RFX3: variants seen among roughly 807,000 people sequenced by gnomAD.
The protein encoded by RFX3 is regulatory factor X3, also known as transcription factor RFX3.
RFX3 carries 14 observed loss-of-function variants against 98.6 expected under a neutral mutation model. The observed-to-expected ratio is 0.14, with a 90% confidence interval of 0.09 to 0.22. The LOEUF (loss-of-function observed/expected upper bound fraction) is 0.22, where lower values mean the gene tolerates loss of function less well. RFX3 is among the 10% of genes least tolerant of loss of function. The pLI is 1.00. For synonymous variants in RFX3, 383 were observed against 328.4 expected, an observed-to-expected ratio of 1.17 and a Z score of -1.80; for missense variants, 639 against 926.9, an observed-to-expected ratio of 0.69 and a Z score of 4.03.
rs193272083 is a variant in RFX3, at chr9:3,445,673, G to T, written c.-8-50077C>A. On this transcript the variant is annotated intron_variant, in intron 1 of 16. Coordinates refer to ENST00000617270, the MANE Select transcript of RFX3 (RefSeq NM_001282116.2). ...CTCATGTTATGCATCCAGTTTTGAT[G>T]GCTTTCGTGCCTTATAATTCCTTAG... Among the ~76,000 whole-genome samples the T allele has an allele frequency of 3.3e-5, 5 of 152,108 alleles. No homozygotes were observed. In the East Asian group the frequency reaches 9.6e-4, roughly 29 times the overall value.
intron 3 of RFX3, among the ~76,000 whole-genome samples, chr9:3,341,062 T>C (rs940930618): frequency 1.3e-5 from 2 of 152,104 alleles, no homozygotes; most frequent in Non-Finnish European, 2.9e-5. Context: ...CACCATAGAA[T>C]ACTATGCAGC....
chr9:3,269,956 G>C (rs937215060), intron 11 of RFX3, among the ~76,000 whole-genome samples: 2 of 151,910 alleles, frequency 1.3e-5, no homozygotes, highest in Non-Finnish European at 2.9e-5. Context: ...CTGTGTCCTT[G>C]GGTAGAATAA....
chr9:3,524,717 T>C, intron 1 of RFX3: 1 of 682,322 alleles, frequency 1.5e-6, no homozygotes, highest in Non-Finnish European at 1.8e-6. Context: ...ATCATCAAAG[T>C]GAAACGGAAC....
rs185774887 is a variant in RFX3, at chr9:3,324,385, G to C, written c.474+5874C>G. Among the ~76,000 whole-genome samples the C allele has an allele frequency of 1.4e-3, 217 of 151,826 alleles. 1 individual carries two copies. Among genetic ancestry groups the C allele is most frequent in the African/African-American group, 4.9e-3 (202 of 41,376 alleles). Reference sequence around the variant, plus strand: ...TGTAACTATATTGCTTTTCTGTCTCGATGTAGTCATAACCAATAATCCAAT... The same window carrying C: ...TGTAACTATATTGCTTTTCTGTCTCCATGTAGTCATAACCAATAATCCAAT... On this transcript the variant is annotated intron_variant, in intron 4 of 16. Coordinates refer to ENST00000617270, the MANE Select transcript of RFX3 (RefSeq NM_001282116.2).
At chr9:3,399,204 G>A (rs1299463802) in intron 1 of RFX3, among the ~76,000 whole-genome samples, 3 of 151,054 alleles carry the variant, frequency 2.0e-5, no homozygotes, top group Non-Finnish European at 4.4e-5. Context: ...GGAGGCCAAG[G>A]TGGGTGAATC....
In RFX3 at chr9:3,504,965, A is replaced by AATATATATTATATAATATATATGTT. The variant is rs1191742865; in HGVS notation, c.-9+20757_-9+20781dup. The stretch of plus-strand genomic sequence containing the variant: ...ATATAATATAATATATATTATATAT[A>AATATATATTATATAATATATATGTT]ATATATATTATATAATATATATGTT... On this transcript the variant is annotated intron_variant, in intron 1 of 16. Transcript: ENST00000617270. Among the ~76,000 whole-genome samples the AATATATATTATATAATATATATGTT allele has an allele frequency of 5.9e-4, 46 of 78,070 alleles. 1 individual carries two copies. The highest frequency in any genetic ancestry group is 4.4e-3 in the Admixed American group (19 of 4,284). 51.2% of individuals were successfully genotyped at this position (78,070 alleles called of 152,430 possible).
At chr9:3,289,201 A>G (rs1226433446) in intron 6 of RFX3, among the ~76,000 whole-genome samples, 1 of 152,098 alleles carries the variant, frequency 6.6e-6, no homozygotes, top group Non-Finnish European at 1.5e-5. Context: ...AAGAGTGTGG[A>G]TTAAATATTT....
intron 14 of RFX3, among the ~76,000 whole-genome samples, chr9:3,248,782 T>G (rs926492575): frequency 2.0e-5 from 3 of 152,148 alleles, no homozygotes; most frequent in African/African-American, 7.2e-5. Context: ...CCACTTAAAT[T>G]AAGGCACATT....
intron 2 of RFX3, among the ~76,000 whole-genome samples, chr9:3,366,418 G>A (rs1475082981): frequency 6.6e-6 from 1 of 152,118 alleles, no homozygotes; most frequent in Non-Finnish European, 1.5e-5. Flanking sequence ...TTTGGTTTTA[G>A]AGTACTCCAT....
chr9:3,291,534 A>G (rs1359930718), intron 6 of RFX3, among the ~76,000 whole-genome samples: 2 of 152,180 alleles, frequency 1.3e-5, no homozygotes, highest in East Asian at 3.9e-4. Context: ...CTCCAGAACT[A>G]TCCACTTCAT....
chr9:3,384,673 T>C (rs1404460109), intron 2 of RFX3, among the ~76,000 whole-genome samples: 1 of 152,168 alleles, frequency 6.6e-6, no homozygotes, highest in Non-Finnish European at 1.5e-5. Context: ...AAATTCAAAA[T>C]GATAGCTATT....
chr9:3,466,427 T>C lies in RFX3; in HGVS notation c.-9+59320A>G, dbSNP rs568480482. ...AAAAAATGTGATGCAATAAAAGCAA[T>C]GTTTTAGTCAAATGCATATGGCTAG... On this transcript the variant is annotated intron_variant, in intron 1 of 16. Coordinates refer to ENST00000617270, the MANE Select transcript of RFX3 (RefSeq NM_001282116.2). Among the ~76,000 whole-genome samples the C allele has an allele frequency of 1.9e-3, 294 of 152,246 alleles. 3 individuals are homozygous for C. The highest frequency in any genetic ancestry group is 6.7e-3 in the African/African-American group (280 of 41,560).
chr9:3,311,523 T>C (rs1829960235), intron 4 of RFX3, among the ~76,000 whole-genome samples: 1 of 152,148 alleles, frequency 6.6e-6, no homozygotes, highest in Admixed American at 6.5e-5. Context: ...CTATAATCAC[T>C]AAAATTGCGG....
At chr9:3,393,662 T>C (rs1212605995) in intron 2 of RFX3, among the ~76,000 whole-genome samples, 2 of 151,816 alleles carry the variant, frequency 1.3e-5, no homozygotes, top group East Asian at 1.9e-4. Flanking sequence ...AAATTGGTGA[T>C]GGCATTAATA....
chr9:3,288,313 G>C lies in RFX3; in HGVS notation c.732-63C>G, dbSNP rs970200103. 49 of 1,501,244 alleles carry C rather than the reference G, an allele frequency of 3.3e-5. No homozygotes were observed. In the East Asian group the frequency reaches 9.1e-4, roughly 28 times the overall value. 93.0% of individuals were successfully genotyped at this position (1,501,244 alleles called of 1,614,324 possible). The stretch of plus-strand genomic sequence containing the variant: ...AGTCAAACTAATATTAATCACATGG[G>C]ATGTCCATTAAACTTCACACTTGGA... On this transcript the variant is annotated intron_variant, in intron 6 of 16. Transcript: ENST00000617270.
intron 1 of RFX3, among the ~76,000 whole-genome samples, chr9:3,436,284 T>C (rs1477926724): frequency 1.3e-5 from 2 of 152,058 alleles, no homozygotes; most frequent in Admixed American, 1.3e-4. Context: ...AATGGGTTTC[T>C]GGTAATTACA....
chr9:3,236,332 A>G (rs2130788730), intron 15 of RFX3, among the ~76,000 whole-genome samples: 1 of 152,330 alleles, frequency 6.6e-6, no homozygotes, highest in East Asian at 1.9e-4. Flanking sequence ...GGAAGTTGAC[A>G]AGGAAGTCAT....
chr9:3,376,694 T>C (rs1475852479), intron 2 of RFX3, among the ~76,000 whole-genome samples: 1 of 152,080 alleles, frequency 6.6e-6, no homozygotes, highest in African/African-American at 2.4e-5. Flanking sequence ...AATCTACTCA[T>C]CTGACAAAGG....
intron 5 of RFX3, among the ~76,000 whole-genome samples, chr9:3,296,748 A>G (rs1398200979): frequency 6.6e-6 from 1 of 152,062 alleles, no homozygotes; most frequent in Non-Finnish European, 1.5e-5. Context: ...AAGTGGAGGT[A>G]AAAGCCCTGA....
Sources: gnomAD v4.1 joint callset for allele counts (sites outside exome capture counted in the v4.1 genomes callset) on GRCh38, gnomAD v4.1.1 for gene constraint, MANE v1.5 for transcripts, NCBI Gene and HGNC (gene_info 2026-07-23, HGNC 2026-07-21) for gene names.